VPS8: variants seen among roughly 807,000 people sequenced by gnomAD.
VPS8 encodes the protein VPS8 subunit of CORVET complex, also known as vacuolar protein sorting-associated protein 8 homolog.
A neutral mutation model predicts 216.4 loss-of-function variants in VPS8; 129 were observed. The ratio of observed to expected loss-of-function variants is 0.60; its 90% confidence interval spans 0.52 to 0.69. The LOEUF is 0.69. Ranked by LOEUF, VPS8 falls within the 30% of genes least tolerant of loss-of-function variation. The pLI is 0.00. For missense variants in VPS8, 1,531 were observed against 1,683.5 expected, an observed-to-expected ratio of 0.91 and a Z score of 1.59; for synonymous variants, 571 against 565.4, an observed-to-expected ratio of 1.01 and a Z score of -0.14.
chr3:184,938,353 T>C (rs1047631484), intron 35 of VPS8, among the ~76,000 whole-genome samples: 1 of 152,214 alleles, frequency 6.6e-6, no homozygotes, highest in Non-Finnish European at 1.5e-5. Context: ...CATGTAAGTG[T>C]GATCCTGCTC....
rs981482206 is a variant in VPS8, at chr3:184,887,398, G to GT, written c.1781+1252dup. On this transcript the variant is annotated intron_variant, in intron 22 of 47. Transcript: ENST00000625842. ...CAACCAACCTGTGCTAATGCACAGGGTTTTTTTTTTCTTTTTTTTTTCCAC... is the reference window on the plus strand; with the variant it reads ...CAACCAACCTGTGCTAATGCACAGGGTTTTTTTTTTTCTTTTTTTTTTCCAC... 4.1e-3 allele frequency among the ~76,000 whole-genome samples: 601 copies of GT among 146,068 alleles called. 4 individuals are homozygous for GT. The highest frequency in any genetic ancestry group is 0.012 in the African/African-American group (490 of 39,898).
chr3:185,009,273 A>G (rs948330628), intron 45 of VPS8, among the ~76,000 whole-genome samples: 3 of 152,250 alleles, frequency 2.0e-5, no homozygotes, highest in Admixed American at 2.0e-4. Context: ...CTGTTGTCCA[A>G]TAAAATGTGA....
intron 8 of VPS8, among the ~76,000 whole-genome samples, chr3:184,848,022 C>A (rs886671946): frequency 6.6e-6 from 1 of 152,100 alleles, no homozygotes; most frequent in Non-Finnish European, 1.5e-5. Context: ...AAGCAATTCT[C>A]CTGCCTCAGC....
chr3:184,902,290 A>G (rs1446153716), intron 25 of VPS8, among the ~76,000 whole-genome samples: 1 of 151,698 alleles, frequency 6.6e-6, no homozygotes, highest in East Asian at 1.9e-4. Flanking sequence ...AGCCTGGCCA[A>G]TATGGTGAAA....
intron 36 of VPS8, among the ~76,000 whole-genome samples, chr3:184,943,922 T>C (rs1208764299): frequency 6.7e-6 from 1 of 150,334 alleles, no homozygotes; most frequent in East Asian, 1.9e-4. Flanking sequence ...GCCAGCATGG[T>C]GAAACCCCGT....
intron 36 of VPS8, among the ~76,000 whole-genome samples, chr3:184,956,936 A>G (rs1234983771): frequency 6.6e-6 from 1 of 152,234 alleles, no homozygotes; most frequent in East Asian, 1.9e-4. Context: ...GTTTTAGAGA[A>G]GATAGATAAT....
intron 34 of VPS8, among the ~76,000 whole-genome samples, chr3:184,932,613 A>T (rs1740879429): frequency 6.6e-6 from 1 of 152,034 alleles, no homozygotes; most frequent in Non-Finnish European, 1.5e-5. Flanking sequence ...CACAGCCATT[A>T]TCCTGGTTTT....
At chr3:185,042,185 G>A (rs1235919267) in intron 46 of VPS8, among the ~76,000 whole-genome samples, 1 of 152,190 alleles carries the variant, frequency 6.6e-6, no homozygotes, top group Non-Finnish European at 1.5e-5. Context: ...CCTTAAAAGA[G>A]AGCCCCTACT....
chr3:184,907,058 G>A (rs1037978918), intron 25 of VPS8, among the ~76,000 whole-genome samples: 1 of 152,144 alleles, frequency 6.6e-6, no homozygotes, highest in Non-Finnish European at 1.5e-5. Flanking sequence ...GGGTCCTAAC[G>A]ACATGTGTCC....
chr3:184,941,149 A>C (rs907997291), intron 36 of VPS8, among the ~76,000 whole-genome samples: 1 of 147,652 alleles, frequency 6.8e-6, no homozygotes, highest in Non-Finnish European at 1.5e-5. Context: ...AGCAATTGTA[A>C]TATCAGCTTT....
At chr3:184,948,691 ATTCT>A (rs2109386812) in intron 36 of VPS8, among the ~76,000 whole-genome samples, 1 of 152,326 alleles carries the variant, frequency 6.6e-6, no homozygotes, top group African/African-American at 2.4e-5. Flanking sequence ...AGAAAGTGAC[ATTCT>A]TTACTTACTG....
chr3:184,943,261 CAATG>C (rs1743067513), intron 36 of VPS8, among the ~76,000 whole-genome samples: 1 of 152,086 alleles, frequency 6.6e-6, no homozygotes, highest in Non-Finnish European at 1.5e-5. Context: ...CATATGAAAA[CAATG>C]AAGCATATAA....
At chr3:184,944,645 G>C (rs926308892) in intron 36 of VPS8, 1 of 953,598 alleles carries the variant, frequency 1.0e-6, no homozygotes, top group Non-Finnish European at 1.2e-6. Flanking sequence ...TGGTAATGTT[G>C]ATTTAGCCTT....
At chr3:184,969,148 C>T (rs536091050) in intron 39 of VPS8, among the ~76,000 whole-genome samples, 13 of 152,026 alleles carry the variant, frequency 8.6e-5, no homozygotes, top group Admixed American at 5.9e-4. Flanking sequence ...GACGGCGTCT[C>T]GCTCTGTTGC....
At position 184,832,580 on chromosome 3, in the gene VPS8, G is replaced by A. The variant is rs370786829; in HGVS notation, c.223-109G>A. 1.0e-4 allele frequency: 101 copies of A among 969,652 alleles called. No homozygotes were observed. The East Asian group carries it at 2.4e-3, about 23-fold the overall frequency. The allele number at this position is 969,652 out of a possible 1,614,324, so 60.1% of individuals were successfully genotyped here. A position where few individuals can be genotyped will look rare whatever the true frequency, so the allele number is the denominator to read the frequency against. ...CAATAAGAATGCATGGAATAGAGGC[G>A]AAAAGCAGAAATAAGCACTTGTGTG... On this transcript the variant is annotated intron_variant, in intron 3 of 47. Transcript: ENST00000625842.
chr3:184,960,772 G>A (rs917899213), intron 37 of VPS8, among the ~76,000 whole-genome samples: 1 of 152,122 alleles, frequency 6.6e-6, no homozygotes, highest in African/African-American at 2.4e-5. Context: ...TTAAAAGATT[G>A]GATCAGAATA....
At chr3:184,847,091 CTT>C (rs1159505951) in intron 8 of VPS8, among the ~76,000 whole-genome samples, 5 of 152,156 alleles carry the variant, frequency 3.3e-5, no homozygotes, top group African/African-American at 1.2e-4. Context: ...AAGACAGTAA[CTT>C]TTAAAATACA....
rs531409315 is a variant in VPS8 at position 185,031,328 on chromosome 3, C to T, written c.4056+6939C>T. Among the ~76,000 whole-genome samples, 9 of 152,220 alleles carry T rather than the reference C, an allele frequency of 5.9e-5. No homozygotes were observed. The South Asian group carries it at 6.2e-4, about 11-fold the overall frequency. On this transcript the variant is annotated intron_variant, in intron 46 of 47. Transcript: ENST00000625842. ...CCCTTAACTCTTTCCTGCAAAGATG[C>T]GAGTTCTCATAAACAACAAAATGAT...
At chr3:184,835,624 T>C (rs898950708) in intron 5 of VPS8, among the ~76,000 whole-genome samples, 5 of 152,194 alleles carry the variant, frequency 3.3e-5, no homozygotes, top group Admixed American at 3.3e-4. Flanking sequence ...TCCAGGAAGT[T>C]TAATGTATTT....
Sources: gnomAD v4.1 joint callset for allele counts (sites outside exome capture counted in the v4.1 genomes callset) on GRCh38, gnomAD v4.1.1 for gene constraint, MANE v1.5 for transcripts, NCBI Gene and HGNC (gene_info 2026-07-23, HGNC 2026-07-21) for gene names.